Variants in ZSCAN5A observed in about 807,000 individuals in gnomAD.
The protein encoded by ZSCAN5A is zinc finger and SCAN domain containing 5A.
Under a neutral mutation model 23.7 loss-of-function variants are expected in ZSCAN5A, and 12 were observed. The observed-to-expected ratio is 0.51, with a 90% CI of 0.32 to 0.82. The LOEUF is 0.82. Ranked by LOEUF, ZSCAN5A falls within the 40% of genes least tolerant of loss-of-function variation. The pLI is 0.03. For missense variants in ZSCAN5A, 597 were observed against 617.9 expected (o/e 0.97, Z 0.36); for synonymous variants, 257 against 239.9 (o/e 1.07, Z -0.66).
chr19:56,223,882 T>C lies in ZSCAN5A; in HGVS notation c.385-48A>G, dbSNP rs566254607. 9.9e-6 allele frequency: 15 copies of C among 1,513,242 alleles called. No homozygotes were observed. In the South Asian group the frequency reaches 1.7e-4, roughly 18 times the overall value. The allele number at this position is 1,513,242 out of a possible 1,614,324, so 93.7% of individuals were successfully genotyped here. ...CAGACTCACCATGAGAACCTGAAAG[T>C]AGCTCTCATATTCCCTGGGTCCTGC... On this transcript the variant is annotated intron_variant, in intron 3 of 5. Transcript: ENST00000683990.
At chr19:56,322,346 A>T in intron 2 of ZSCAN5A, 1 of 791,020 alleles carries the variant, frequency 1.3e-6, no homozygotes, top group Non-Finnish European at 2.3e-6. Flanking sequence ...GTCTGCCGCC[A>T]GATCTGGCTT....
intron 2 of ZSCAN5A, among the ~76,000 whole-genome samples, chr19:56,289,195 C>T (rs2147137919): frequency 6.6e-6 from 1 of 152,342 alleles, no homozygotes; most frequent in Non-Finnish European, 1.5e-5. Context: ...TGCTAAGGGT[C>T]TGAGAGCTGC....
chr19:56,250,437 T>C (rs1365535622), intron 2 of ZSCAN5A, among the ~76,000 whole-genome samples: 1 of 152,250 alleles, frequency 6.6e-6, no homozygotes, highest in Non-Finnish European at 1.5e-5. Flanking sequence ...AAATTTTTAA[T>C]GTGCATATAA....
intron 2 of ZSCAN5A, chr19:56,281,751 A>G (rs2038725538): frequency 1.0e-6 from 1 of 972,438 alleles, no homozygotes; most frequent in Non-Finnish European, 1.2e-6. Flanking sequence ...CCTTCAACCT[A>G]GAGAAGGAAG....
At chr19:56,236,580 T>C (rs867531365) in intron 2 of ZSCAN5A, among the ~76,000 whole-genome samples, 157 of 9,300 alleles carry the variant, frequency 0.017, 1 homozygote, top group East Asian at 0.032. Context: ...GTGGGCCAAG[T>C]CTCCACTCCA....
intron 2 of ZSCAN5A, among the ~76,000 whole-genome samples, chr19:56,292,460 T>TC (rs1045326602): frequency 6.8e-6 from 1 of 146,866 alleles, no homozygotes; most frequent in African/African-American, 2.5e-5. Context: ...TGTTTTTACT[T>TC]TTTTTTTTTT....
intron 2 of ZSCAN5A, among the ~76,000 whole-genome samples, chr19:56,262,748 A>T (rs1450803838): frequency 6.6e-6 from 1 of 152,132 alleles, no homozygotes; most frequent in Non-Finnish European, 1.5e-5. Flanking sequence ...TTCATTCAAC[A>T]TTATATTGAT....
rs112392160 is a variant in ZSCAN5A, at chr19:56,232,194, T to C, written c.-127-7021A>G. Reference sequence around the variant, plus strand: ...TCTCACTACATTGCCTAGGCTGATCTTGAACTCCTGGGCTCAAGCAATCCA... The same window carrying C: ...TCTCACTACATTGCCTAGGCTGATCCTGAACTCCTGGGCTCAAGCAATCCA... On this transcript the variant is annotated intron_variant, in intron 2 of 5. Transcript: ENST00000683990. 9.7e-3 allele frequency among the ~76,000 whole-genome samples: 1,477 copies of C among 152,074 alleles called. 26 individuals are homozygous for C. Among genetic ancestry groups the C allele is most frequent in the African/African-American group, 0.034 (1,412 of 41,472 alleles).
At chr19:56,344,747 CA>C (rs1426355516) in intron 2 of ZSCAN5A, among the ~76,000 whole-genome samples, 1 of 149,262 alleles carries the variant, frequency 6.7e-6, no homozygotes, top group Non-Finnish European at 1.5e-5. Flanking sequence ...ACTAAAAATA[CA>C]AAAAATTAGC....
At chr19:56,329,450 G>C (rs2041469631) in intron 2 of ZSCAN5A, among the ~76,000 whole-genome samples, 1 of 152,058 alleles carries the variant, frequency 6.6e-6, no homozygotes, top group Non-Finnish European at 1.5e-5. Flanking sequence ...GAAATGCTAA[G>C]AGGGAAATAG....
At chr19:56,254,383 A>G (rs1377360117) in intron 2 of ZSCAN5A, among the ~76,000 whole-genome samples, 3 of 152,284 alleles carry the variant, frequency 2.0e-5, no homozygotes, top group Non-Finnish European at 4.4e-5. Flanking sequence ...TGCTAACATT[A>G]TTATATTATT....
chr19:56,360,450 T>G (rs2041727455), intron 2 of ZSCAN5A, among the ~76,000 whole-genome samples: 1 of 152,104 alleles, frequency 6.6e-6, no homozygotes, highest in Non-Finnish European at 1.5e-5. Context: ...GGAAAAACAT[T>G]CCATGCTCAT....
At chr19:56,226,234 T>C (rs897932266) in intron 2 of ZSCAN5A, among the ~76,000 whole-genome samples, 24 of 151,300 alleles carry the variant, frequency 1.6e-4, no homozygotes, top group African/African-American at 5.3e-4. Flanking sequence ...TGGAAGGACT[T>C]TGAGCAAGTG....
chr19:56,317,910 T>C (rs2041334394), upstream of ZSCAN5A: 1 of 152,300 alleles, frequency 6.6e-6, no homozygotes, highest in Non-Finnish European at 1.5e-5. Flanking sequence ...CAAAGTTTCA[T>C]CATAGGCCAG....
At chr19:56,222,492 T>C (rs1475294841) in intron 5 of ZSCAN5A, 99 bp downstream of exon 5, 1 of 1,555,876 alleles carries the variant, frequency 6.4e-7, no homozygotes, top group Non-Finnish European at 8.7e-7. Context: ...CTTTGACAGC[T>C]GAGTGCCAAC....
chr19:56,307,725 T>C (rs1160902827), intron 2 of ZSCAN5A, among the ~76,000 whole-genome samples: 1 of 152,238 alleles, frequency 6.6e-6, no homozygotes, highest in Non-Finnish European at 1.5e-5. Context: ...CCAAGGTCTG[T>C]ATGTAAAACA....
chr19:56,344,934 AAGAAAAAAAAG>A, intron 2 of ZSCAN5A, among the ~76,000 whole-genome samples: 1 of 125,304 alleles, frequency 8.0e-6, no homozygotes, highest in Non-Finnish European at 1.7e-5. Flanking sequence ...AAAAAAAAAA[AAGAAAAAAAAG>A]ATACAAAAAA....
At chr19:56,315,225 TGAAGAG>T (rs1449613334), upstream of ZSCAN5A, 1 of 152,164 alleles carries the variant, frequency 6.6e-6, no homozygotes. Context: ...TTCCGATTGG[TGAAGAG>T]GCCACATGGC....
intron 2 of ZSCAN5A, among the ~76,000 whole-genome samples, chr19:56,333,860 T>C (rs186720522): frequency 6.6e-6 from 1 of 151,408 alleles, no homozygotes; most frequent in Admixed American, 6.6e-5. Flanking sequence ...AAGAAAAATA[T>C]ATATATATAT....
Sources: gnomAD v4.1 joint callset for allele counts (sites outside exome capture counted in the v4.1 genomes callset) on GRCh38, gnomAD v4.1.1 for gene constraint, MANE v1.5 for transcripts, NCBI Gene and HGNC (gene_info 2026-07-23, HGNC 2026-07-21) for gene names.